Variants in INTS9 observed in about 807,000 individuals in gnomAD.
The protein encoded by INTS9 is integrator complex subunit 9, also known as protein related to CPSF subunits of 74 kDa.
A neutral mutation model predicts 79.7 loss-of-function variants in INTS9; 55 were observed. The observed-to-expected ratio is 0.69, with a 90% CI of 0.56 to 0.86. The LOEUF (loss-of-function observed/expected upper bound fraction) is 0.86. Ranked by LOEUF, INTS9 falls within the 40% of genes least tolerant of loss-of-function variation. The pLI, the probability that INTS9 is intolerant of heterozygous loss-of-function variation, is 0.00. For synonymous variants in INTS9, 319 were observed against 325.2 expected (o/e 0.98, Z 0.20); for missense variants, 721 against 831.5 (o/e 0.87, Z 1.64).
chr8:28,842,616 T>C (rs1807256504), intron 4 of INTS9, among the ~76,000 whole-genome samples: 1 of 152,168 alleles, frequency 6.6e-6, no homozygotes. Flanking sequence ...GGTGTGTTAA[T>C]AGGCTCCTGA....
intron 1 of INTS9, among the ~76,000 whole-genome samples, chr8:28,865,581 C>G (rs1808699734): frequency 6.6e-6 from 1 of 151,846 alleles, no homozygotes; most frequent in South Asian, 2.1e-4. Flanking sequence ...AACTGTGACA[C>G]TTATGTACAA....
chr8:28,863,572 T>C (rs1004103643), intron 1 of INTS9, among the ~76,000 whole-genome samples: 1 of 152,160 alleles, frequency 6.6e-6, no homozygotes, highest in Admixed American at 6.5e-5. Context: ...GGTCAGGAGT[T>C]CAAGACCAGC....
chr8:28,801,502 C>CA (rs1408593867), intron 8 of INTS9, among the ~76,000 whole-genome samples: 14 of 65,066 alleles, frequency 2.2e-4, no homozygotes, highest in African/African-American at 5.5e-4. Context: ...AACAAACAAA[C>CA]AAACAAAAAA....
chr8:28,826,707 G>T (rs1482545499), intron 6 of INTS9, among the ~76,000 whole-genome samples: 1 of 152,150 alleles, frequency 6.6e-6, no homozygotes, highest in South Asian at 2.1e-4. Context: ...TGCCTGCTTG[G>T]AATGGTCTCT....
intron 6 of INTS9, among the ~76,000 whole-genome samples, chr8:28,831,741 C>A (rs1806500309): frequency 6.6e-6 from 1 of 152,152 alleles, no homozygotes; most frequent in Non-Finnish European, 1.5e-5. Flanking sequence ...CTCTGTCCCC[C>A]AGGCTGGAGT....
intron 6 of INTS9, among the ~76,000 whole-genome samples, chr8:28,816,180 T>G (rs1399276938): frequency 1.3e-5 from 2 of 151,970 alleles, no homozygotes; most frequent in Non-Finnish European, 2.9e-5. Flanking sequence ...TACTTTAAGT[T>G]TTAGGGTACA....
At chr8:28,882,779 G>C (rs1443047255) in intron 1 of INTS9, among the ~76,000 whole-genome samples, 1 of 152,138 alleles carries the variant, frequency 6.6e-6, no homozygotes, top group African/African-American at 2.4e-5. Flanking sequence ...ACCTGTCTTT[G>C]AGAGAGCTAA....
intron 6 of INTS9, among the ~76,000 whole-genome samples, chr8:28,818,699 A>G (rs1805646020): frequency 6.6e-6 from 1 of 151,236 alleles, no homozygotes; most frequent in Non-Finnish European, 1.5e-5. Context: ...CTCTTTTTCT[A>G]TTGATTGGAA....
At chr8:28,822,012 C>G (rs866346238) in intron 6 of INTS9, among the ~76,000 whole-genome samples, 21 of 152,238 alleles carry the variant, frequency 1.4e-4, no homozygotes, top group Admixed American at 6.5e-4. Context: ...AGCGATCTGC[C>G]CGCCGTGGCC....
At chr8:28,881,252 G>A (rs1185022172) in intron 1 of INTS9, among the ~76,000 whole-genome samples, 3 of 136,716 alleles carry the variant, frequency 2.2e-5, no homozygotes, top group African/African-American at 5.4e-5. Flanking sequence ...GGAGGGAGGT[G>A]GGGGGGTCAG....
intron 11 of INTS9, among the ~76,000 whole-genome samples, chr8:28,782,968 A>C (rs1803377092): frequency 6.6e-6 from 1 of 152,090 alleles, no homozygotes; most frequent in African/African-American, 2.4e-5. Context: ...TAACATGGTG[A>C]AACCCCGTCT....
At chr8:28,839,133 A>G (rs572036978) in intron 4 of INTS9, among the ~76,000 whole-genome samples, 1 of 152,284 alleles carries the variant, frequency 6.6e-6, no homozygotes, top group East Asian at 1.9e-4. Flanking sequence ...ATCCCCACGA[A>G]GAAGAAATAA....
At chr8:28,776,066 G>A (rs1585329524) in intron 13 of INTS9, 140 bp from the exon 14 acceptor site, 2 of 642,322 alleles carry the variant, frequency 3.1e-6, no homozygotes, top group East Asian at 6.3e-5. Context: ...ATCCTCTCAA[G>A]CCCAATGAAC....
At chr8:28,880,243 C>T (rs1445751015) in intron 1 of INTS9, among the ~76,000 whole-genome samples, 8 of 134,928 alleles carry the variant, frequency 5.9e-5, no homozygotes, top group Admixed American at 5.7e-4. Context: ...TCTCCCTCTC[C>T]CTCTCCCTCT....
chr8:28,773,186 A>C (rs902389158), intron 14 of INTS9, among the ~76,000 whole-genome samples: 1 of 152,208 alleles, frequency 6.6e-6, no homozygotes, highest in African/African-American at 2.4e-5. Context: ...AAAAGGGGCC[A>C]GGCGCAGTGG....
At chr8:28,793,690 C>A in intron 10 of INTS9, 117 bp downstream of exon 10, 3 of 989,410 alleles carry the variant, frequency 3.0e-6, no homozygotes, top group Non-Finnish European at 4.3e-6. Context: ...GACAGAAAAA[C>A]AACAAAATGA....
intron 4 of INTS9, among the ~76,000 whole-genome samples, chr8:28,845,431 T>C (rs1370799486): frequency 6.6e-6 from 1 of 152,220 alleles, no homozygotes; most frequent in African/African-American, 2.4e-5. Flanking sequence ...AAAATGTATA[T>C]GGCTCTAGAA....
chr8:28,878,349 G>A (rs1210857464), intron 1 of INTS9, among the ~76,000 whole-genome samples: 2 of 152,026 alleles, frequency 1.3e-5, no homozygotes, highest in Non-Finnish European at 2.9e-5. Context: ...GTCTCACTCT[G>A]TTGCTCAGGC....
intron 1 of INTS9, among the ~76,000 whole-genome samples, chr8:28,880,189 G>C (rs926441588): frequency 6.6e-5 from 10 of 152,006 alleles, no homozygotes; most frequent in African/African-American, 2.4e-4. Flanking sequence ...CATTATGCTT[G>C]CCTTTATTTT....
Sources: allele counts gnomAD v4.1 joint callset (sites outside exome capture counted in the v4.1 genomes callset), GRCh38; gene constraint gnomAD v4.1.1; transcripts MANE v1.5; gene names NCBI Gene and HGNC (gene_info 2026-07-23, HGNC 2026-07-21).